ZMYM1: variants seen among roughly 807,000 people sequenced by gnomAD.
ZMYM1 encodes the protein zinc finger MYM-type containing 1.
ZMYM1 carries 39 observed loss-of-function variants against 60.0 expected under a neutral mutation model. The ratio of observed to expected loss-of-function variants is 0.65; its 90% CI spans 0.50 to 0.85. The LOEUF (loss-of-function observed/expected upper bound fraction) is 0.85, where lower values mean the gene tolerates loss of function less well. Ranked by LOEUF, ZMYM1 falls within the 40% of genes least tolerant of loss-of-function variation. The pLI is 0.00. For synonymous variants in ZMYM1, 413 were observed against 454.0 expected, an observed-to-expected ratio of 0.91 and a Z score of 1.15; for missense variants, 1,171 against 1,309.5, an observed-to-expected ratio of 0.89 and a Z score of 1.63.
At chr1:35,080,125 A>G (rs994383626) in intron 1 of ZMYM1, among the ~76,000 whole-genome samples, 8 of 151,968 alleles carry the variant, frequency 5.3e-5, no homozygotes, top group Non-Finnish European at 8.8e-5. Flanking sequence ...TGTTTGCTGA[A>G]CCCCAAAAGC....
chr1:35,102,164 G>T (rs935058878), intron 4 of ZMYM1, among the ~76,000 whole-genome samples: 4 of 152,032 alleles, frequency 2.6e-5, no homozygotes, highest in African/African-American at 7.3e-5. Flanking sequence ...ATTGGAAAAG[G>T]GGGGAGTGTT....
chr1:35,112,436 C>T (rs187819671), intron 9 of ZMYM1, among the ~76,000 whole-genome samples: 12 of 149,326 alleles, frequency 8.0e-5, no homozygotes, highest in African/African-American at 2.9e-4. Flanking sequence ...CCTTGGCCTC[C>T]CAAAGTGCTG....
intron 5 of ZMYM1, 29 bp downstream of exon 5, chr1:35,104,498 A>T: frequency 6.2e-7 from 1 of 1,610,870 alleles, no homozygotes; most frequent in Non-Finnish European, 8.5e-7. Context: ...CTTTACAGGG[A>T]TTCTGATGAT....
intron 1 of ZMYM1, among the ~76,000 whole-genome samples, chr1:35,069,377 T>C (rs866073519): frequency 6.6e-5 from 10 of 152,356 alleles, no homozygotes; most frequent in African/African-American, 1.4e-4. Flanking sequence ...TGTTGGCCAT[T>C]TGAATTAATT....
At chr1:35,096,825 G>A (rs575699118) in intron 3 of ZMYM1, among the ~76,000 whole-genome samples, 8 of 152,180 alleles carry the variant, frequency 5.3e-5, no homozygotes, top group South Asian at 4.1e-4. Context: ...TCAGCCTCCC[G>A]AGTAGCTGGG....
At chr1:35,088,454 A>ATATATATATATGTGTG (rs1464546786) in intron 1 of ZMYM1, among the ~76,000 whole-genome samples, 4 of 107,282 alleles carry the variant, frequency 3.7e-5, no homozygotes, top group African/African-American at 8.5e-5. Context: ...ATATATATAT[A>ATATATATATATGTGTG]TGTGTGTGTG....
intron 1 of ZMYM1, among the ~76,000 whole-genome samples, chr1:35,071,022 T>G (rs1257324961): frequency 1.3e-5 from 2 of 152,006 alleles, no homozygotes; most frequent in Non-Finnish European, 2.9e-5. Flanking sequence ...GTAGCTGAGA[T>G]TACAGGTGTG....
chr1:35,100,575 T>C (rs1359611032), intron 4 of ZMYM1, among the ~76,000 whole-genome samples: 2 of 151,494 alleles, frequency 1.3e-5, no homozygotes, highest in African/African-American at 4.9e-5. Context: ...TGAGCTGAGA[T>C]TGTACGACTG....
chr1:35,083,988 C>T (rs1642526206), intron 1 of ZMYM1, among the ~76,000 whole-genome samples: 1 of 152,166 alleles, frequency 6.6e-6, no homozygotes, highest in African/African-American at 2.4e-5. Flanking sequence ...AGAGATCCCA[C>T]GTGGCACATT....
downstream of ZMYM1, among the ~76,000 whole-genome samples, chr1:35,117,368 A>T (rs1644259917): frequency 6.6e-6 from 1 of 151,464 alleles, no homozygotes; most frequent in African/African-American, 2.4e-5. Flanking sequence ...CCCAGGCTGG[A>T]GTGTACGGTG....
upstream of ZMYM1, among the ~76,000 whole-genome samples, chr1:35,075,339 T>C (rs938655991): frequency 6.6e-6 from 1 of 152,016 alleles, no homozygotes; most frequent in South Asian, 2.1e-4. Context: ...TGTTGTTTTT[T>C]GTTTTTTTTG....
chr1:35,084,226 C>T (rs940616873), intron 1 of ZMYM1, among the ~76,000 whole-genome samples: 1 of 150,730 alleles, frequency 6.6e-6, no homozygotes, highest in Admixed American at 6.6e-5. Flanking sequence ...CAGAACTTCT[C>T]CATCTTTCCT....
rs1338334635 is a variant in ZMYM1 at position 35,073,573 on chromosome 1, AAAAAGAAAAGAAG to A, written c.-300-5407_-300-5395del. 7.6e-5 allele frequency among the ~76,000 whole-genome samples: 10 copies of A among 131,890 alleles called. No homozygotes were observed. In the South Asian group the frequency reaches 1.2e-3, roughly 16 times the overall value. 86.5% of individuals were successfully genotyped at this position (131,890 alleles called of 152,430 possible). The stretch of plus-strand genomic sequence containing the variant: ...GTGAAACAAGAAAGAAAGGAAAGAA[AAAAAGAAAAGAAG>A]AAAAGAAAAGAAGGAAAGGAAAGGA... On this transcript the variant is annotated intron_variant, in intron 1 of 10. Transcript: ENST00000417119.
chr1:35,076,856 CAGGAGGCAG>C (rs1642175877), upstream of ZMYM1, among the ~76,000 whole-genome samples: 1 of 150,122 alleles, frequency 6.7e-6, no homozygotes. Context: ...CGCTTGAACC[CAGGAGGCAG>C]AGGTTGCAGT....
At chr1:35,117,410 C>T (rs1469908466), downstream of ZMYM1, among the ~76,000 whole-genome samples, 4 of 151,960 alleles carry the variant, frequency 2.6e-5, no homozygotes, top group South Asian at 2.1e-4. Flanking sequence ...ACCTCCACCT[C>T]GCGGGTTCAA....
At chr1:35,108,379 T>G (rs777646680) in intron 6 of ZMYM1, among the ~76,000 whole-genome samples, 3 of 152,184 alleles carry the variant, frequency 2.0e-5, no homozygotes, top group Non-Finnish European at 2.9e-5. Flanking sequence ...TGAGACACAG[T>G]CTTGCTCTGT....
intron 7 of ZMYM1, among the ~76,000 whole-genome samples, chr1:35,111,071 A>G (rs1644070943): frequency 6.6e-6 from 1 of 152,236 alleles, no homozygotes; most frequent in South Asian, 2.1e-4. Flanking sequence ...TGGTCAATAT[A>G]GAGTTTAATA....
At chr1:35,065,909 A>T (rs1641964960) in intron 1 of ZMYM1, among the ~76,000 whole-genome samples, 1 of 152,066 alleles carries the variant, frequency 6.6e-6, no homozygotes, top group South Asian at 2.1e-4. Context: ...ACCACTAACA[A>T]CTCTACCCAT....
intron 1 of ZMYM1, among the ~76,000 whole-genome samples, chr1:35,084,704 CTT>C (rs1374914429): frequency 6.6e-6 from 1 of 152,192 alleles, no homozygotes; most frequent in African/African-American, 2.4e-5. Flanking sequence ...CTTATTAGCT[CTT>C]TGACGTTTAA....
Sources: allele counts gnomAD v4.1 joint callset (sites outside exome capture counted in the v4.1 genomes callset), GRCh38; gene constraint gnomAD v4.1.1; transcripts MANE v1.5; gene names NCBI Gene and HGNC (gene_info 2026-07-23, HGNC 2026-07-21).